ATP8A2: variants seen among roughly 807,000 people sequenced by gnomAD.
The protein encoded by ATP8A2 is ATPase phospholipid transporting 8A2.
Under a neutral mutation model 165.6 loss-of-function variants are expected in ATP8A2, and 100 were observed. The ratio of observed to expected loss-of-function variants is 0.60; its 90% CI spans 0.51 to 0.71. The LOEUF (loss-of-function observed/expected upper bound fraction) is 0.71, where lower values mean the gene tolerates loss of function less well. Ranked by LOEUF, ATP8A2 falls within the 30% of genes least tolerant of loss-of-function variation. The pLI, the probability that ATP8A2 is intolerant of heterozygous loss-of-function variation, is 0.00. For missense variants in ATP8A2, 1,227 were observed against 1,479.5 expected, an observed-to-expected ratio of 0.83 and a Z score of 2.80; for synonymous variants, 543 against 548.8, an observed-to-expected ratio of 0.99 and a Z score of 0.15.
chr13:25,374,377 C>T (rs1488552347), intron 1 of ATP8A2, among the ~76,000 whole-genome samples: 2 of 152,140 alleles, frequency 1.3e-5, no homozygotes, highest in African/African-American at 4.8e-5. Context: ...AGGACAGGAA[C>T]TGGAAACAGC....
chr13:25,486,245 A>G (rs1192311784), intron 2 of ATP8A2, among the ~76,000 whole-genome samples: 1 of 152,130 alleles, frequency 6.6e-6, no homozygotes, highest in African/African-American at 2.4e-5. Context: ...ACAAGAAGCT[A>G]TTTTCAATTC....
intron 1 of ATP8A2, among the ~76,000 whole-genome samples, chr13:25,386,328 G>A (rs1006061960): frequency 6.6e-6 from 1 of 152,142 alleles, no homozygotes; most frequent in Admixed American, 6.5e-5. Flanking sequence ...ATGGTGCTTC[G>A]TTAAACTTAG....
intron 33 of ATP8A2, among the ~76,000 whole-genome samples, chr13:25,869,399 T>G (rs1437409932): frequency 6.6e-6 from 1 of 152,202 alleles, no homozygotes; most frequent in Non-Finnish European, 1.5e-5. Context: ...TGCCTCTGGA[T>G]TCTCTGGAAT....
At chr13:25,903,402 A>G (rs927328458) in intron 33 of ATP8A2, among the ~76,000 whole-genome samples, 2 of 151,568 alleles carry the variant, frequency 1.3e-5, no homozygotes, top group Non-Finnish European at 2.9e-5. Context: ...GTCACTTCCC[A>G]CTAACCCCAC....
intron 10 of ATP8A2, among the ~76,000 whole-genome samples, chr13:25,546,983 A>C (rs903517676): frequency 6.6e-6 from 1 of 151,964 alleles, no homozygotes; most frequent in African/African-American, 2.4e-5. Flanking sequence ...TACAAAAATT[A>C]GCTGGGCATG....
At chr13:25,387,270 C>T (rs2033089404) in intron 1 of ATP8A2, among the ~76,000 whole-genome samples, 1 of 152,168 alleles carries the variant, frequency 6.6e-6, no homozygotes, top group Non-Finnish European at 1.5e-5. Flanking sequence ...GTCTGTGCTG[C>T]AGGGTCTAAA....
At chr13:25,389,711 A>G (rs566733267) in intron 1 of ATP8A2, among the ~76,000 whole-genome samples, 1 of 152,344 alleles carries the variant, frequency 6.6e-6, no homozygotes, top group Admixed American at 6.5e-5. Context: ...TGTGTCAGTC[A>G]GTGACCTGGA....
intron 25 of ATP8A2, among the ~76,000 whole-genome samples, chr13:25,711,535 C>G (rs1297693869): frequency 6.6e-6 from 1 of 151,622 alleles, no homozygotes; most frequent in African/African-American, 2.4e-5. Context: ...CACAGTGAGA[C>G]CACATCTCTA....
At chr13:25,759,348 G>T (rs1211731841) in intron 25 of ATP8A2, among the ~76,000 whole-genome samples, 1 of 152,174 alleles carries the variant, frequency 6.6e-6, no homozygotes, top group African/African-American at 2.4e-5. Context: ...TTTCAGCCGT[G>T]CATGAGCTCA....
intron 27 of ATP8A2, among the ~76,000 whole-genome samples, chr13:25,814,272 A>G (rs1465075811): frequency 6.6e-6 from 1 of 152,162 alleles, no homozygotes; most frequent in East Asian, 1.9e-4. Flanking sequence ...TTTTACAACT[A>G]TTTATCCTTA....
At chr13:25,889,275 A>AT (rs1566239890) in intron 33 of ATP8A2, among the ~76,000 whole-genome samples, 10 of 84,884 alleles carry the variant, frequency 1.2e-4, no homozygotes, top group Admixed American at 4.1e-4. Flanking sequence ...TATATATATA[A>AT]AATTTAAATG....
At chr13:25,693,087 T>A (rs1231740110) in intron 24 of ATP8A2, among the ~76,000 whole-genome samples, 1 of 152,220 alleles carries the variant, frequency 6.6e-6, no homozygotes, top group Non-Finnish European at 1.5e-5. Context: ...ATTGGCTTTT[T>A]ATTAAAATAA....
chr13:25,464,842 C>G (rs61947624), intron 1 of ATP8A2, among the ~76,000 whole-genome samples: 4,887 of 152,284 alleles, frequency 0.032, 96 homozygotes, highest in Non-Finnish European at 0.041. Flanking sequence ...AGACTGTCTA[C>G]TGGGTGCTAG....
intron 24 of ATP8A2, among the ~76,000 whole-genome samples, chr13:25,628,044 A>G (rs901044593): frequency 4.6e-5 from 7 of 152,190 alleles, no homozygotes; most frequent in African/African-American, 1.7e-4. Flanking sequence ...TGCATGGTGA[A>G]CTGGGACTCC....
chr13:25,711,954 C>A (rs2043167377), intron 25 of ATP8A2, among the ~76,000 whole-genome samples: 1 of 152,116 alleles, frequency 6.6e-6, no homozygotes, highest in Admixed American at 6.5e-5. Context: ...GCTGGGTGTT[C>A]ACTTCTGGTG....
intron 33 of ATP8A2, among the ~76,000 whole-genome samples, chr13:25,867,139 C>CTTT (rs11331686): frequency 7.6e-6 from 1 of 131,942 alleles, no homozygotes; most frequent in African/African-American, 2.8e-5. Context: ...CTGGGACAGG[C>CTTT]TTTTTTTTTT....
At chr13:25,447,985 C>T (rs1566140069) in intron 1 of ATP8A2, among the ~76,000 whole-genome samples, 2 of 152,284 alleles carry the variant, frequency 1.3e-5, no homozygotes, top group East Asian at 3.9e-4. Flanking sequence ...CCTTCTCTGC[C>T]ATGCTGTTTT....
At chr13:25,472,995 A>T (rs2035889498) in intron 2 of ATP8A2, among the ~76,000 whole-genome samples, 1 of 152,226 alleles carries the variant, frequency 6.6e-6, no homozygotes, top group South Asian at 2.1e-4. Context: ...TCAGGACAGG[A>T]ATTCTATGGA....
intron 33 of ATP8A2, among the ~76,000 whole-genome samples, chr13:25,936,787 T>C (rs1258704892): frequency 6.6e-6 from 1 of 152,216 alleles, no homozygotes; most frequent in East Asian, 1.9e-4. Context: ...CTGTTCTGGT[T>C]GTCCTGGAGT....
Sources: allele counts gnomAD v4.1 joint callset (sites outside exome capture counted in the v4.1 genomes callset), GRCh38; gene constraint gnomAD v4.1.1; transcripts MANE v1.5; gene names NCBI Gene and HGNC (gene_info 2026-07-23, HGNC 2026-07-21).